ATG7: variants seen among roughly 807,000 people sequenced by gnomAD.
ATG7 encodes the protein autophagy related 7.
ATG7 carries 70 observed loss-of-function variants against 82.4 expected under a neutral mutation model. The ratio of observed to expected loss-of-function variants is 0.85; its 90% CI spans 0.70 to 1.04. The LOEUF (loss-of-function observed/expected upper bound fraction) is 1.04. ATG7 is among the 50% of genes least tolerant of loss of function. The probability of loss-of-function intolerance (pLI) is 0.00; values close to 1 mark genes in which losing one functional copy is unlikely to be tolerated. For missense variants in ATG7, 792 were observed against 864.3 expected, an observed-to-expected ratio of 0.92 and a Z score of 1.05; for synonymous variants, 287 against 313.0, an observed-to-expected ratio of 0.92 and a Z score of 0.88.
At chr3:11,407,927 A>G (rs2080506547) in intron 19 of ATG7, among the ~76,000 whole-genome samples, 1 of 152,046 alleles carries the variant, frequency 6.6e-6, no homozygotes, top group Admixed American at 6.5e-5. Flanking sequence ...CCCTGGAGGC[A>G]TTTTCCCCAT....
chr3:11,362,908 T>G lies in ATG7; in HGVS notation c.1779T>G (p.Ser593=), dbSNP rs180938171. The G allele has an allele frequency of 3.7e-6, 6 of 1,613,982 alleles. No individual in the cohort carries two copies. In the East Asian group the frequency reaches 1.3e-4, roughly 36 times the overall value. ...CCCTGGCCGTGGAATTGATGGTATCTGTTTTGCAGCATCCAGAAGGGTGAG... is the reference window on the plus strand; with the variant it reads ...CCCTGGCCGTGGAATTGATGGTATCGGTTTTGCAGCATCCAGAAGGGTGAG... ...AGALAVELMV[S]VLQHPEGGYA... The change falls in exon 17 of 21, where the codon TCT becomes TCG. Residue 593 remains serine, a synonymous_variant. Coordinates refer to ENST00000693202, the MANE Select transcript of ATG7 (RefSeq NM_001349232.2).
intron 14 of ATG7, among the ~76,000 whole-genome samples, chr3:11,349,170 G>A (rs556334934): frequency 1.3e-5 from 2 of 152,244 alleles, no homozygotes; most frequent in East Asian, 1.9e-4. Context: ...GACACACAGC[G>A]CTGATTGGTG....
rs527391826 is a variant in ATG7, at chr3:11,335,833, G to A, written c.889+2740G>A. On this transcript the variant is annotated intron_variant, in intron 11 of 20. Coordinates refer to ENST00000693202, the MANE Select transcript of ATG7 (RefSeq NM_001349232.2). ...CAGACTCAGCCTCCCGAGTGGCTGG[G>A]ATTACAGTCGCGTGCCACCACGCCT... Among the ~76,000 whole-genome samples the A allele has an allele frequency of 1.9e-3, 291 of 152,252 alleles. 2 individuals carry two copies. Among genetic ancestry groups the A allele is most frequent in the African/African-American group, 6.6e-3 (276 of 41,538 alleles).
chr3:11,407,530 C>T (rs879925937), intron 19 of ATG7, among the ~76,000 whole-genome samples: 13 of 152,208 alleles, frequency 8.5e-5, no homozygotes, highest in Admixed American at 2.6e-4. Context: ...GGCTCTCACC[C>T]CACATTTTCC....
chr3:11,438,865 G>C (rs545681965), intron 20 of ATG7, among the ~76,000 whole-genome samples: 3 of 152,048 alleles, frequency 2.0e-5, no homozygotes, highest in Admixed American at 6.5e-5. Context: ...ATCAGCAGTG[G>C]AGGCTTCCCT....
At chr3:11,411,638 AAAAAAAAAAAT>A (rs2152917479) in intron 19 of ATG7, among the ~76,000 whole-genome samples, 1 of 127,508 alleles carries the variant, frequency 7.8e-6, no homozygotes, top group South Asian at 2.7e-4. Context: ...AAAAAAAAAA[AAAAAAAAAAAT>A]TCTTATCAGA....
chr3:11,321,720 G>A (rs772683867), intron 9 of ATG7, among the ~76,000 whole-genome samples: 1 of 152,188 alleles, frequency 6.6e-6, no homozygotes, highest in Non-Finnish European at 1.5e-5. Flanking sequence ...AGTTTCCTCA[G>A]TGTGTATAAG....
In ATG7 at chr3:11,407,909, C is replaced by CT. The variant is rs1489942376; in HGVS notation, c.1957-18894dup. 2.6e-5 allele frequency among the ~76,000 whole-genome samples: 4 copies of CT among 152,318 alleles called. No individual in the cohort carries two copies. In the East Asian group the frequency reaches 7.7e-4, roughly 29 times the overall value. On this transcript the variant is annotated intron_variant, in intron 19 of 20. Coordinates refer to ENST00000693202, the MANE Select transcript of ATG7 (RefSeq NM_001349232.2). ...GTGGGAGGGGCTGCCACAAAGTTCTCTGACATGCCCTGGAGGCATTTTCCC... is the reference window on the plus strand; with the variant it reads ...GTGGGAGGGGCTGCCACAAAGTTCTCTTGACATGCCCTGGAGGCATTTTCCC...
intron 9 of ATG7, among the ~76,000 whole-genome samples, chr3:11,316,551 T>C (rs1371812850): frequency 6.6e-6 from 1 of 152,238 alleles, no homozygotes; most frequent in African/African-American, 2.4e-5. Context: ...ACTGCATTTA[T>C]TCCCTGATCC....
intron 20 of ATG7, among the ~76,000 whole-genome samples, chr3:11,446,199 A>G (rs2084533671): frequency 6.6e-6 from 1 of 150,924 alleles, no homozygotes; most frequent in South Asian, 2.1e-4. Flanking sequence ...AGAATTATCT[A>G]GGATGCTTTA....
At chr3:11,524,129 A>G (rs1374616032) in intron 20 of ATG7, among the ~76,000 whole-genome samples, 1 of 152,250 alleles carries the variant, frequency 6.6e-6, no homozygotes, top group Non-Finnish European at 1.5e-5. Context: ...TGTTCCATCA[A>G]AAGGAACCCC....
At chr3:11,488,984 G>A (rs1455029687) in intron 20 of ATG7, among the ~76,000 whole-genome samples, 1 of 152,116 alleles carries the variant, frequency 6.6e-6, no homozygotes, top group Admixed American at 6.5e-5. Flanking sequence ...AATGGTACCA[G>A]TTCCTCCTTG....
At chr3:11,289,786 C>G (rs1228395395) in intron 3 of ATG7, among the ~76,000 whole-genome samples, 1 of 152,112 alleles carries the variant, frequency 6.6e-6, no homozygotes, top group Non-Finnish European at 1.5e-5. Context: ...TCTCAAACTC[C>G]TGGGCTCAAG....
At chr3:11,509,182 C>T (rs1396281912) in intron 20 of ATG7, among the ~76,000 whole-genome samples, 1 of 152,172 alleles carries the variant, frequency 6.6e-6, no homozygotes, top group Non-Finnish European at 1.5e-5. Flanking sequence ...AATTATGACG[C>T]AGCGCCACAT....
At chr3:11,553,905 A>G (rs2072099502) in intron 20 of ATG7, among the ~76,000 whole-genome samples, 1 of 152,196 alleles carries the variant, frequency 6.6e-6, no homozygotes, top group African/African-American at 2.4e-5. Flanking sequence ...TCCTTCTCTC[A>G]GCTCTGCTAG....
intron 20 of ATG7, among the ~76,000 whole-genome samples, chr3:11,536,660 G>A (rs2070328809): frequency 6.6e-6 from 1 of 152,174 alleles, no homozygotes; most frequent in Non-Finnish European, 1.5e-5. Flanking sequence ...GGACCCTCTT[G>A]CCACTGCACC....
At chr3:11,540,907 T>TG (rs1230126956) in intron 20 of ATG7, among the ~76,000 whole-genome samples, 3,925 of 34,136 alleles carry the variant, frequency 0.11, 201 homozygotes, top group East Asian at 0.27. Flanking sequence ...TAGCTTTTTT[T>TG]GGGGGGGGGA....
intron 19 of ATG7, among the ~76,000 whole-genome samples, chr3:11,392,751 C>G (rs1285754000): frequency 6.6e-6 from 1 of 152,100 alleles, no homozygotes; most frequent in Admixed American, 6.5e-5. Context: ...TTTGATGCAC[C>G]ACAATTGTTG....
chr3:11,525,714 C>G (rs757712988), intron 20 of ATG7, among the ~76,000 whole-genome samples: 18 of 151,936 alleles, frequency 1.2e-4, no homozygotes, highest in Non-Finnish European at 2.1e-4. Flanking sequence ...GCCACCACAC[C>G]TGGCTAATTT....
Sources: allele counts gnomAD v4.1 joint callset (sites outside exome capture counted in the v4.1 genomes callset), GRCh38; gene constraint gnomAD v4.1.1; transcripts MANE v1.5; gene names NCBI Gene and HGNC (gene_info 2026-07-23, HGNC 2026-07-21).